The following LRRC4C variants were observed in gnomAD, a reference collection of about 807,000 sequenced individuals.
LRRC4C encodes leucine-rich repeat-containing protein 4C.
In LRRC4C, 5 loss-of-function variants were observed where a neutral mutation model predicts 33.6. The ratio of observed to expected loss-of-function variants is 0.15; its 90% CI spans 0.08 to 0.31. The LOEUF (loss-of-function observed/expected upper bound fraction) is 0.31. LRRC4C is among the 10% of genes least tolerant of loss of function. LRRC4C has a pLI of 1.00. For synonymous variants in LRRC4C, 329 were observed against 302.0 expected (o/e 1.09, Z -0.93); for missense variants, 560 against 796.7 (o/e 0.70, Z 3.58).
At chr11:40,762,651 T>G (rs902002663) in intron 2 of LRRC4C, among the ~76,000 whole-genome samples, 1 of 152,146 alleles carries the variant, frequency 6.6e-6, no homozygotes, top group Non-Finnish European at 1.5e-5. Context: ...GATATTTCTT[T>G]GTATGAGATG....
chr11:40,702,123 G>A lies in LRRC4C; in HGVS notation c.-406-53845C>T, dbSNP rs557226291. Among the ~76,000 whole-genome samples, 10 of 152,108 alleles carry A rather than the reference G, an allele frequency of 6.6e-5. No homozygotes were observed. In the South Asian group the frequency reaches 2.1e-3, roughly 32 times the overall value. On this transcript the variant is annotated intron_variant, in intron 2 of 6. Transcript: ENST00000528697. ...TTATTAAAAGGTTTCACAAAAGGGA[G>A]AATATTATGCATTTGGGAGTTTTGA...
At chr11:40,275,244 T>C (rs1943016727) in intron 4 of LRRC4C, among the ~76,000 whole-genome samples, 1 of 152,160 alleles carries the variant, frequency 6.6e-6, no homozygotes, top group Admixed American at 6.6e-5. Flanking sequence ...CCATTACACC[T>C]GCCCATTTGG....
intron 5 of LRRC4C, among the ~76,000 whole-genome samples, chr11:40,161,190 C>T (rs997060591): frequency 6.6e-6 from 1 of 152,130 alleles, no homozygotes; most frequent in Admixed American, 6.5e-5. Flanking sequence ...AATATCACGA[C>T]TAAAATAATT....
At chr11:40,678,386 C>A (rs912508329) in intron 2 of LRRC4C, among the ~76,000 whole-genome samples, 1 of 152,114 alleles carries the variant, frequency 6.6e-6, no homozygotes, top group South Asian at 2.1e-4. Flanking sequence ...TTCTGAATAA[C>A]CTTCTGTGGT....
chr11:41,023,376 T>A (rs1856117515), intron 1 of LRRC4C, among the ~76,000 whole-genome samples: 1 of 151,790 alleles, frequency 6.6e-6, no homozygotes, highest in African/African-American at 2.4e-5. Context: ...AAAGTGAGTA[T>A]ACAAGAGAAA....
intron 1 of LRRC4C, among the ~76,000 whole-genome samples, chr11:41,166,800 C>A (rs1274781422): frequency 1.3e-5 from 2 of 152,124 alleles, no homozygotes; most frequent in Non-Finnish European, 2.9e-5. Flanking sequence ...CCACTTCATG[C>A]CGGAGGAATG....
chr11:40,502,944 G>T (rs1006696716), intron 3 of LRRC4C, among the ~76,000 whole-genome samples: 2 of 152,122 alleles, frequency 1.3e-5, no homozygotes, highest in Admixed American at 1.3e-4. Flanking sequence ...TATTAGAAAA[G>T]ATCTGAAAAC....
At chr11:40,233,387 G>C (rs1023202159) in intron 5 of LRRC4C, among the ~76,000 whole-genome samples, 1 of 152,084 alleles carries the variant, frequency 6.6e-6, no homozygotes, top group Non-Finnish European at 1.5e-5. Context: ...AAATCATTTT[G>C]TTTTGGTCGC....
chr11:41,115,211 GA>G (rs1203522705), intron 1 of LRRC4C, among the ~76,000 whole-genome samples: 2 of 151,980 alleles, frequency 1.3e-5, no homozygotes, highest in Non-Finnish European at 2.9e-5. Context: ...AGAGCTAAAG[GA>G]AAAGCAGGAC....
intron 4 of LRRC4C, among the ~76,000 whole-genome samples, chr11:40,298,714 G>A (rs1173399057): frequency 3.3e-5 from 5 of 151,976 alleles, no homozygotes; most frequent in African/African-American, 9.7e-5. Context: ...AAGAAAATAG[G>A]TTTAATTGAC....
intron 5 of LRRC4C, among the ~76,000 whole-genome samples, chr11:40,238,202 A>G (rs1301837090): frequency 6.6e-6 from 1 of 152,196 alleles, no homozygotes; most frequent in Non-Finnish European, 1.5e-5. Context: ...AGTCCATCTC[A>G]GCCAACACAA....
At chr11:40,513,464 C>T (rs1426567424) in intron 3 of LRRC4C, among the ~76,000 whole-genome samples, 1 of 152,026 alleles carries the variant, frequency 6.6e-6, no homozygotes, top group African/African-American at 2.4e-5. Context: ...AATGCAAGCC[C>T]TAGCAAACCA....
intron 3 of LRRC4C, among the ~76,000 whole-genome samples, chr11:40,639,053 C>G (rs1251400609): frequency 6.6e-6 from 1 of 151,796 alleles, no homozygotes; most frequent in African/African-American, 2.4e-5. Flanking sequence ...AAGGCCTTCC[C>G]TGGTTTTTAT....
At chr11:40,822,833 G>A (rs1159601638) in intron 2 of LRRC4C, among the ~76,000 whole-genome samples, 3 of 151,600 alleles carry the variant, frequency 2.0e-5, no homozygotes. Context: ...AATTCATTTT[G>A]ATTTGATTTT....
At chr11:41,019,343 C>T (rs1234447411) in intron 1 of LRRC4C, among the ~76,000 whole-genome samples, 1 of 152,172 alleles carries the variant, frequency 6.6e-6, no homozygotes, top group Non-Finnish European at 1.5e-5. Context: ...CTGCAAAGAA[C>T]ATGATCTCAT....
chr11:40,789,042 G>T (rs924383752), intron 2 of LRRC4C, among the ~76,000 whole-genome samples: 1 of 142,330 alleles, frequency 7.0e-6, no homozygotes, highest in Admixed American at 7.3e-5. Flanking sequence ...GCAGTGAGCC[G>T]AGATCGCGCC....
At chr11:40,764,450 G>C (rs1414797592) in intron 2 of LRRC4C, among the ~76,000 whole-genome samples, 1 of 152,180 alleles carries the variant, frequency 6.6e-6, no homozygotes, top group Non-Finnish European at 1.5e-5. Flanking sequence ...ACAGTAGATA[G>C]AACACTAAGT....
chr11:40,343,987 T>A (rs1947001789), intron 3 of LRRC4C, among the ~76,000 whole-genome samples: 1 of 151,706 alleles, frequency 6.6e-6, no homozygotes, highest in African/African-American at 2.4e-5. Flanking sequence ...ATAATAAGTT[T>A]CAAAATTGAA....
At chr11:40,402,616 C>A (rs560278850) in intron 3 of LRRC4C, among the ~76,000 whole-genome samples, 1 of 152,072 alleles carries the variant, frequency 6.6e-6, no homozygotes, top group South Asian at 2.1e-4. Flanking sequence ...AAATAGATAC[C>A]AACAGTTTGT....
Sources: allele counts gnomAD v4.1 joint callset (sites outside exome capture counted in the v4.1 genomes callset), GRCh38; gene constraint gnomAD v4.1.1; transcripts MANE v1.5; gene names NCBI Gene and HGNC (gene_info 2026-07-23, HGNC 2026-07-21).